NRXN1: variants seen among roughly 807,000 people sequenced by gnomAD.
NRXN1 encodes neurexin-1.
Under a neutral mutation model 150.9 loss-of-function variants are expected in NRXN1, and 39 were observed. That is an observed-to-expected ratio of 0.26 (90% confidence interval 0.20 to 0.34). The LOEUF (loss-of-function observed/expected upper bound fraction) is 0.34, where lower values mean the gene tolerates loss of function less well. NRXN1 is among the 10% of genes least tolerant of loss of function. The pLI is 1.00. For synonymous variants in NRXN1, 924 were observed against 757.0 expected, an observed-to-expected ratio of 1.22 and a Z score of -3.62; for missense variants, 1,815 against 1,949.9, an observed-to-expected ratio of 0.93 and a Z score of 1.30.
chr2:50,871,556 A>G (rs903640813), intron 5 of NRXN1, among the ~76,000 whole-genome samples: 1 of 151,916 alleles, frequency 6.6e-6, no homozygotes, highest in African/African-American at 2.4e-5. Flanking sequence ...AGAGAAATAT[A>G]CAGGCACAGG....
intron 17 of NRXN1, among the ~76,000 whole-genome samples, chr2:50,322,182 C>T (rs1168655127): frequency 6.6e-6 from 1 of 152,104 alleles, no homozygotes; most frequent in African/African-American, 2.4e-5. Context: ...AACACAAGGA[C>T]CACGAAGGCC....
At chr2:50,908,993 T>C (rs1165233603) in intron 5 of NRXN1, among the ~76,000 whole-genome samples, 1 of 152,098 alleles carries the variant, frequency 6.6e-6, no homozygotes, top group Non-Finnish European at 1.5e-5. Context: ...AACTTACACA[T>C]TTATGGTATT....
chr2:50,507,532 C>T (rs1018638409), intron 12 of NRXN1, among the ~76,000 whole-genome samples: 1 of 150,292 alleles, frequency 6.7e-6, no homozygotes. Flanking sequence ...TCTATATAAA[C>T]CTATGCAAAT....
chr2:50,520,474 TA>T, intron 12 of NRXN1, among the ~76,000 whole-genome samples: 1 of 151,830 alleles, frequency 6.6e-6, no homozygotes, highest in African/African-American at 2.4e-5. Context: ...AAAAAAAAAC[TA>T]AAAATTACCT....
chr2:50,198,687 T>C (rs975209170), intron 18 of NRXN1, among the ~76,000 whole-genome samples: 3 of 152,232 alleles, frequency 2.0e-5, no homozygotes, highest in Non-Finnish European at 4.4e-5. Context: ...TTATTCAAGA[T>C]GTCATTAAAG....
rs1354950714 is a variant in NRXN1, at chr2:50,346,999, C to T, written c.3365-110029G>A. On this transcript the variant is annotated intron_variant, in intron 17 of 22. Transcript: ENST00000401669. This position sits in a 1 kb window ranked among gnomAD's most constrained non-coding sequence, Gnocchi z 5.0. ...CCGCCGCGGGAGGCAAAGTTTGGGG[C>T]GCGGGGAGAGGAGAGGGCGCAGGGG... The T allele has an allele frequency of 1.5e-6, 2 of 1,363,752 alleles. No homozygotes were observed. Among genetic ancestry groups the T allele is most frequent in the East Asian group, 3.8e-5 (1 of 26,124 alleles). 84.5% of individuals were successfully genotyped at this position (1,363,752 alleles called of 1,614,324 possible). A position where few individuals can be genotyped will look rare whatever the true frequency, so the allele number is the denominator to read the frequency against.
chr2:50,360,669 CTT>C (rs1461971085), intron 17 of NRXN1, among the ~76,000 whole-genome samples: 3 of 152,264 alleles, frequency 2.0e-5, no homozygotes, highest in East Asian at 3.9e-4. Context: ...TAATGGGAGA[CTT>C]TAACACCACA....
rs957006652 is a variant in NRXN1 at position 50,938,064 on chromosome 2, A to T, written c.773-12109T>A. Reference sequence around the variant, plus strand: ...TTTAAACATAGGAAAGGTAAAGTAAAAATATGATTTTTTTTTTAATGGTAC... The same window carrying T: ...TTTAAACATAGGAAAGGTAAAGTAATAATATGATTTTTTTTTTAATGGTAC... On this transcript the variant is annotated intron_variant, in intron 2 of 22. Transcript: ENST00000401669. 3.3e-5 allele frequency among the ~76,000 whole-genome samples: 5 copies of T among 152,110 alleles called. No individual in the cohort carries two copies. The East Asian group carries it at 9.6e-4, about 29-fold the overall frequency.
chr2:50,117,706 C>T lies in NRXN1; in HGVS notation c.3547-26212G>A, dbSNP rs573144318. The stretch of plus-strand genomic sequence containing the variant: ...ACTAGTGTGTATGTCTTTACACAGC[C>T]ATAGAAGAGTTTCAATGAGTACTTC... On this transcript the variant is annotated intron_variant, in intron 18 of 22. Coordinates refer to ENST00000401669, the MANE Select transcript of NRXN1 (RefSeq NM_001330078.2). Among the ~76,000 whole-genome samples, 12 of 150,322 alleles carry T rather than the reference C, an allele frequency of 8.0e-5. No individual in the cohort carries two copies. In the East Asian group the frequency reaches 2.2e-3, roughly 27 times the overall value.
At chr2:50,428,741 T>G (rs1417330378) in intron 17 of NRXN1, among the ~76,000 whole-genome samples, 2 of 152,192 alleles carry the variant, frequency 1.3e-5, no homozygotes, top group Non-Finnish European at 2.9e-5. Context: ...CGATAGACCT[T>G]GCTTTAGCAC....
chr2:50,855,625 G>T, intron 5 of NRXN1, among the ~76,000 whole-genome samples: 1 of 151,966 alleles, frequency 6.6e-6, no homozygotes, highest in East Asian at 1.9e-4. Flanking sequence ...TGGCCCAATA[G>T]CAAGATTTGG....
At chr2:50,055,857 C>A (rs146725584) in intron 19 of NRXN1, among the ~76,000 whole-genome samples, 3 of 151,948 alleles carry the variant, frequency 2.0e-5, no homozygotes, top group African/African-American at 7.3e-5. Context: ...GCTTAAGGAA[C>A]GAATATAAGC....
chr2:50,402,706 C>T (rs2082472257), intron 17 of NRXN1, among the ~76,000 whole-genome samples: 1 of 152,046 alleles, frequency 6.6e-6, no homozygotes, highest in Admixed American at 6.6e-5. Flanking sequence ...GGCAGTGGGA[C>T]GAATGGGGGA....
chr2:50,654,597 A>G (rs1239547536), intron 5 of NRXN1, among the ~76,000 whole-genome samples: 1 of 152,006 alleles, frequency 6.6e-6, no homozygotes, highest in Non-Finnish European at 1.5e-5. Context: ...TCCCTGAGGA[A>G]TCGCCACACT....
intron 5 of NRXN1, among the ~76,000 whole-genome samples, chr2:50,669,278 A>G (rs910910118): frequency 1.3e-5 from 2 of 151,980 alleles, no homozygotes; most frequent in Non-Finnish European, 1.5e-5. Flanking sequence ...AAAACAGTTG[A>G]AAAAACTCGG....
intron 8 of NRXN1, among the ~76,000 whole-genome samples, chr2:50,567,843 T>C (rs949404260): frequency 1.1e-4 from 16 of 152,138 alleles, no homozygotes; most frequent in African/African-American, 3.6e-4. Context: ...GAGTGTTTAG[T>C]CAGACATTCT....
At chr2:50,500,972 T>C (rs2091910440) in intron 13 of NRXN1, among the ~76,000 whole-genome samples, 1 of 152,186 alleles carries the variant, frequency 6.6e-6, no homozygotes, top group African/African-American at 2.4e-5. Context: ...TCCAAACTCA[T>C]GGTCTACGGG....
intron 18 of NRXN1, among the ~76,000 whole-genome samples, chr2:50,152,151 ACT>A (rs1409464231): frequency 2.0e-5 from 3 of 151,498 alleles, no homozygotes; most frequent in African/African-American, 7.3e-5. Context: ...CATCTCAATA[ACT>A]CTTTCTATCT....
chr2:50,367,097 C>A (rs1340775615), intron 17 of NRXN1, among the ~76,000 whole-genome samples: 2 of 151,894 alleles, frequency 1.3e-5, no homozygotes, highest in African/African-American at 4.8e-5. Context: ...CTTTGGGTTT[C>A]TCCAGATGCA....
Sources: gnomAD v4.1 joint callset for allele counts (sites outside exome capture counted in the v4.1 genomes callset) on GRCh38, gnomAD v4.1.1 for gene constraint, Gnocchi (gnomAD v3.1) non-coding constraint, MANE v1.5 for transcripts, NCBI Gene and HGNC (gene_info 2026-07-23, HGNC 2026-07-21) for gene names.